The following SYN3 variants were observed in gnomAD, a reference collection of about 807,000 sequenced individuals.
SYN3 encodes the protein synapsin-3.
In SYN3, 35 loss-of-function variants were observed where a neutral mutation model predicts 65.8. That is an observed-to-expected ratio of 0.53 (90% CI 0.41 to 0.70). The LOEUF (loss-of-function observed/expected upper bound fraction) is 0.70. Ranked by LOEUF, SYN3 falls within the 30% of genes least tolerant of loss-of-function variation. SYN3 has a pLI of 0.00. For missense variants in SYN3, 680 were observed against 749.0 expected (o/e 0.91, Z 1.08); for synonymous variants, 270 against 292.9 (o/e 0.92, Z 0.80).
intron 7 of SYN3, among the ~76,000 whole-genome samples, chr22:32,577,820 A>G (rs1190867289): frequency 6.6e-6 from 1 of 151,996 alleles, no homozygotes; most frequent in Non-Finnish European, 1.5e-5. Context: ...CTTCCTCCAC[A>G]TGTCCACATG....
chr22:33,015,671 G>A (rs1436727162), intron 1 of SYN3, among the ~76,000 whole-genome samples: 1 of 152,086 alleles, frequency 6.6e-6, no homozygotes, highest in Non-Finnish European at 1.5e-5. Context: ...TACAAAGATA[G>A]CAATTTAGCT....
At chr22:32,735,265 C>T (rs2061324018) in intron 6 of SYN3, among the ~76,000 whole-genome samples, 2 of 152,222 alleles carry the variant, frequency 1.3e-5, no homozygotes. Flanking sequence ...CTCATCTTCT[C>T]TGTGCCCTAA....
At chr22:33,053,072 T>G (rs1405671869) in intron 1 of SYN3, among the ~76,000 whole-genome samples, 2 of 152,214 alleles carry the variant, frequency 1.3e-5, no homozygotes, top group Middle Eastern at 3.2e-3. Context: ...CATCATCTCA[T>G]TTATTTCCTG....
chr22:32,679,839 CTT>C lies in SYN3; in HGVS notation c.712-83105_712-83104del, dbSNP rs747116076. ...AAACTGGGTGAGGTTTGTTTTTTGG[CTT>C]TTTTTTTTTTTTTTTTTGCTATTGA... is the stretch of plus-strand genomic sequence containing the variant. On this transcript the variant is annotated intron_variant, in intron 6 of 13. Transcript: ENST00000358763. 3.6e-3 allele frequency among the ~76,000 whole-genome samples: 142 copies of C among 39,156 alleles called. 5 individuals carry two copies. The highest frequency in any genetic ancestry group is 0.011 in the African/African-American group (116 of 10,994). 25.7% of individuals were successfully genotyped at this position (39,156 alleles called of 152,430 possible).
intron 6 of SYN3, among the ~76,000 whole-genome samples, chr22:32,777,914 T>C (rs2045947467): frequency 6.6e-6 from 1 of 152,208 alleles, no homozygotes; most frequent in East Asian, 1.9e-4. Flanking sequence ...AAAGTTTAAC[T>C]ATTAAAGAAA....
chr22:32,857,185 A>G, intron 6 of SYN3: 2 of 1,239,204 alleles, frequency 1.6e-6, no homozygotes, highest in African/African-American at 3.0e-5. Context: ...CAGCAGTGGG[A>G]TTAGGGATCA....
At chr22:32,564,662 A>G (rs1207316302) in intron 7 of SYN3, among the ~76,000 whole-genome samples, 2 of 151,250 alleles carry the variant, frequency 1.3e-5, no homozygotes, top group African/African-American at 4.9e-5. Context: ...GTACACAAAC[A>G]GTGCTCCCAG....
At chr22:32,562,438 C>A (rs1255229897) in intron 7 of SYN3, among the ~76,000 whole-genome samples, 1 of 152,222 alleles carries the variant, frequency 6.6e-6, no homozygotes, top group Non-Finnish European at 1.5e-5. Context: ...AGTCAAGGAA[C>A]CATCTGGGTT....
chr22:32,915,485 C>T (rs971635717), intron 4 of SYN3, among the ~76,000 whole-genome samples: 3 of 152,128 alleles, frequency 2.0e-5, no homozygotes, highest in African/African-American at 7.2e-5. Flanking sequence ...TAGAGATCCA[C>T]CTGTGTTATT....
intron 6 of SYN3, among the ~76,000 whole-genome samples, chr22:32,703,635 G>A (rs1392060608): frequency 2.1e-5 from 3 of 143,756 alleles, no homozygotes; most frequent in Non-Finnish European, 3.0e-5. Flanking sequence ...AGACTCCATC[G>A]CTTAAAAAAA....
At chr22:32,942,239 G>A (rs1157378206) in intron 3 of SYN3, among the ~76,000 whole-genome samples, 1 of 152,226 alleles carries the variant, frequency 6.6e-6, no homozygotes, top group East Asian at 1.9e-4. Context: ...GTACCCCTCT[G>A]AGACAAAGCT....
intron 6 of SYN3, among the ~76,000 whole-genome samples, chr22:32,833,087 G>A (rs1398991340): frequency 6.6e-6 from 1 of 152,134 alleles, no homozygotes; most frequent in Admixed American, 6.5e-5. Context: ...ATAGATGATG[G>A]TGAAGTCTCA....
At chr22:32,820,286 G>C (rs1244702412) in intron 6 of SYN3, among the ~76,000 whole-genome samples, 2 of 150,398 alleles carry the variant, frequency 1.3e-5, no homozygotes, top group Non-Finnish European at 3.0e-5. Flanking sequence ...GTGTGTGTGT[G>C]TGGTGTGTGT....
chr22:32,559,670 A>G (rs2058555650), intron 7 of SYN3, among the ~76,000 whole-genome samples: 1 of 152,030 alleles, frequency 6.6e-6, no homozygotes, highest in Non-Finnish European at 1.5e-5. Flanking sequence ...CTAAAAAAAT[A>G]CAAAAAAATT....
intron 7 of SYN3, among the ~76,000 whole-genome samples, chr22:32,580,253 A>G (rs2058919378): frequency 6.6e-6 from 1 of 152,374 alleles, no homozygotes; most frequent in Non-Finnish European, 1.5e-5. Flanking sequence ...CCATGGGTTA[A>G]GAAGAGTTTT....
At chr22:32,650,406 A>G (rs1044433647) in intron 6 of SYN3, among the ~76,000 whole-genome samples, 2 of 151,656 alleles carry the variant, frequency 1.3e-5, no homozygotes, top group African/African-American at 4.9e-5. Context: ...AGCTGGTACC[A>G]CAGGTGTGTA....
rs901469313 is a variant in SYN3, at chr22:32,594,449, C to T, written c.774+2225G>A. ...GAAGATGTCCAAGCTATGGGTCATG[C>T]CCTGATCTGCCTGACCCATTCCTTT... is the stretch of plus-strand genomic sequence containing the variant. On this transcript the variant is annotated intron_variant, in intron 7 of 13. Coordinates refer to ENST00000358763, the MANE Select transcript of SYN3 (RefSeq NM_003490.4). Among the ~76,000 whole-genome samples, 33 of 152,138 alleles carry T rather than the reference C, an allele frequency of 2.2e-4. 1 individual carries two copies. Among genetic ancestry groups the T allele is most frequent in the South Asian group, 1.9e-3 (9 of 4,826 alleles).
chr22:32,703,913 A>AATG (rs2060844613), intron 6 of SYN3, among the ~76,000 whole-genome samples: 1 of 152,196 alleles, frequency 6.6e-6, no homozygotes, highest in South Asian at 2.1e-4. Flanking sequence ...GTACATAATT[A>AATG]CACTTAACTA....
At chr22:32,826,241 C>T (rs1001711959) in intron 6 of SYN3, among the ~76,000 whole-genome samples, 1 of 152,086 alleles carries the variant, frequency 6.6e-6, no homozygotes, top group Admixed American at 6.6e-5. Context: ...CCAGGCTGGT[C>T]AACATGGTGA....
Sources: gnomAD v4.1 joint callset for allele counts (sites outside exome capture counted in the v4.1 genomes callset) on GRCh38, gnomAD v4.1.1 for gene constraint, MANE v1.5 for transcripts, NCBI Gene and HGNC (gene_info 2026-07-23, HGNC 2026-07-21) for gene names.